Variants in DOP1B observed in about 807,000 individuals in gnomAD.
DOP1B encodes protein DOP1B.
In DOP1B, 174 loss-of-function variants were observed where a neutral mutation model predicts 233.5. The ratio of observed to expected loss-of-function variants is 0.75; its 90% CI spans 0.66 to 0.85. The LOEUF (loss-of-function observed/expected upper bound fraction) is 0.85, where lower values mean the gene tolerates loss of function less well. DOP1B is among the 40% of genes least tolerant of loss of function. The probability of loss-of-function intolerance (pLI) is 0.00; values close to 1 mark genes in which losing one functional copy is unlikely to be tolerated. For synonymous variants in DOP1B, 1,190 were observed against 1,185.6 expected (o/e 1.00, Z -0.08); for missense variants, 2,652 against 2,846.6 (o/e 0.93, Z 1.56).
chr21:36,171,663 C>T (rs1475972778), intron 2 of DOP1B, among the ~76,000 whole-genome samples: 1 of 152,158 alleles, frequency 6.6e-6, no homozygotes, highest in Non-Finnish European at 1.5e-5. Context: ...GGGAGAGGCA[C>T]GGGACAGATT....
chr21:36,235,099 A>G (rs1440375519), intron 15 of DOP1B, among the ~76,000 whole-genome samples: 2 of 152,150 alleles, frequency 1.3e-5, no homozygotes, highest in African/African-American at 4.8e-5. Context: ...GCACACTTTT[A>G]TGTACTGTAC....
Position 36,251,209 on chromosome 21 carries a change from T to A in DOP1B, c.5046T>A (p.His1682Gln). 6.2e-7 allele frequency: 1 copy of A among 1,613,984 alleles called. No individual in the cohort carries two copies. The highest frequency in any genetic ancestry group is 8.5e-7 in the Non-Finnish European group (1 of 1,179,996). ...ILDFLNPLTA[H>Q]LGVQLTAAVA... ...ACTTCTTAAACCCCTTGACGGCCCA[T>A]CTTGGGGTTCAGTTGACAGCGGCTG... is the stretch of plus-strand genomic sequence containing the variant. Residue 1682 changes from histidine to glutamine, a missense_variant, in exon 22 of 37, where the codon CAT (histidine) becomes CAA (glutamine). Physicochemically the swap from His to Gln is conservative, Grantham distance 24. This residue lies in a region of DOP1B where 2,617 missense variants were observed against 2,794.3 expected (regional missense o/e 0.94). Coordinates refer to ENST00000691173, the MANE Select transcript of DOP1B (RefSeq NM_001320714.2).
At chr21:36,211,743 A>T in intron 6 of DOP1B, 92 bp downstream of exon 6, 1 of 1,404,750 alleles carries the variant, frequency 7.1e-7, no homozygotes, top group Non-Finnish European at 1.0e-6. Context: ...AGGACAGCTC[A>T]GCCACTCATG....
At chr21:36,208,652 A>G in intron 4 of DOP1B, 63 bp from the exon 5 acceptor site, 4 of 1,529,758 alleles carry the variant, frequency 2.6e-6, no homozygotes, top group Non-Finnish European at 3.6e-6. Flanking sequence ...TTCGCAGAGC[A>G]GTGTGCAGTG....
chr21:36,192,464 C>T (rs138365546), intron 2 of DOP1B, among the ~76,000 whole-genome samples: 2,984 of 151,250 alleles, frequency 0.02, 72 homozygotes, highest in African/African-American at 0.065. Flanking sequence ...ACTGCAGCCT[C>T]AACCTCCTGG....
At chr21:36,215,500 G>A (rs33999808) in intron 9 of DOP1B, among the ~76,000 whole-genome samples, 121,760 of 151,736 alleles carry the variant, frequency 0.8, 48,857 homozygotes, top group South Asian at 0.86. Context: ...TCCTGGGTTC[G>A]AACAATTAAT....
chr21:36,246,793 C>T lies in DOP1B; in HGVS notation c.4697+116C>T, dbSNP rs564462760. The T allele has an allele frequency of 1.6e-6, 2 of 1,286,868 alleles. No individual in the cohort carries two copies. The highest frequency in any genetic ancestry group is 2.1e-6 in the Non-Finnish European group (2 of 943,370). 79.7% of individuals were successfully genotyped at this position (1,286,868 alleles called of 1,614,324 possible). On this transcript the variant is annotated intron_variant, in intron 19 of 36. Transcript: ENST00000691173. The surrounding 1 kb of genome is among the most constrained non-coding windows in gnomAD (Gnocchi z 5.1). ...AGGATAATTTCATCCCAATGAGAAGCCTGTTTAGCATTATCAAGAGGGGTA... is the reference window on the plus strand; with the variant it reads ...AGGATAATTTCATCCCAATGAGAAGTCTGTTTAGCATTATCAAGAGGGGTA...
At chr21:36,260,642 C>T in intron 23 of DOP1B, 35 bp from the exon 24 acceptor site, 2 of 1,612,132 alleles carry the variant, frequency 1.2e-6, no homozygotes, top group Non-Finnish European at 1.7e-6. Context: ...TATTTCCCAC[C>T]AACTCGGAGT....
chr21:36,229,163 G>A (rs970615472), intron 13 of DOP1B, among the ~76,000 whole-genome samples: 4 of 152,092 alleles, frequency 2.6e-5, no homozygotes, highest in Admixed American at 6.6e-5. Context: ...TCGAATATAA[G>A]CGAGATGAGG....
intron 2 of DOP1B, among the ~76,000 whole-genome samples, chr21:36,177,552 G>C: frequency 6.6e-6 from 1 of 152,140 alleles, no homozygotes. Context: ...ACCCCAATTT[G>C]ACAATATTGG....
intron 2 of DOP1B, among the ~76,000 whole-genome samples, chr21:36,174,180 A>C (rs2835296): frequency 0.47 from 71,900 of 151,852 alleles, 17,250 homozygotes; most frequent in African/African-American, 0.53. Context: ...GGCTGCAAGA[A>C]CTCTTTACCT....
chr21:36,240,392 A>C (rs1569043605), intron 18 of DOP1B, among the ~76,000 whole-genome samples: 1 of 152,176 alleles, frequency 6.6e-6, no homozygotes, highest in African/African-American at 2.4e-5. Flanking sequence ...AGGCAGGAGA[A>C]TCTCTTGAAC....
chr21:36,186,417 G>GGT (rs138335199), intron 2 of DOP1B, among the ~76,000 whole-genome samples: 317 of 151,792 alleles, frequency 2.1e-3, no homozygotes, highest in African/African-American at 7.0e-3. Context: ...ATGTGTAGAG[G>GGT]GTGTGTGTGT....
Position 36,293,492 on chromosome 21 carries a change from C to T in DOP1B, c.6818C>T (p.Pro2273Leu). The stretch of plus-strand genomic sequence containing the variant: ...CCAGGAACTCCATTCTTGGACTTTC[C>T]TGTCACAGATAGCCCAAGGATCTTA... ...DSPGTPFLDF[P>L]VTDSPRILKQ... The change falls in exon 37 of 37, where the codon CCT becomes CTT. Residue 2273 changes from proline (P) to leucine (L), a missense_variant. Coordinates refer to ENST00000691173, the MANE Select transcript of DOP1B (RefSeq NM_001320714.2). 2.5e-6 allele frequency: 4 copies of T among 1,614,104 alleles called. No homozygotes were observed. The highest frequency in any genetic ancestry group is 3.4e-6 in the Non-Finnish European group (4 of 1,179,954).
At chr21:36,247,697 T>C in intron 20 of DOP1B, 69 bp downstream of exon 20, 12 of 1,144,370 alleles carry the variant, frequency 1.0e-5, no homozygotes, top group Non-Finnish European at 1.5e-5. Context: ...CTATGACTGT[T>C]TCAAATAAGT....
At chr21:36,223,207 T>A (rs374259127) in intron 10 of DOP1B, 24 bp from the exon 11 acceptor site, 18 of 1,554,870 alleles carry the variant, frequency 1.2e-5, no homozygotes, top group Admixed American at 2.3e-5. Flanking sequence ...TAGACATATT[T>A]ATTCATGTCC....
At chr21:36,290,133 TTGTA>T (rs1301410592) in intron 35 of DOP1B, among the ~76,000 whole-genome samples, 1 of 152,134 alleles carries the variant, frequency 6.6e-6, no homozygotes, top group East Asian at 1.9e-4. Flanking sequence ...TACGGCAGGC[TTGTA>T]TGTATGTAGG....
intron 18 of DOP1B, among the ~76,000 whole-genome samples, chr21:36,241,821 A>G (rs1460989379): frequency 2.0e-5 from 3 of 150,468 alleles, no homozygotes; most frequent in Non-Finnish European, 4.4e-5. Context: ...GATTACAGGC[A>G]TGAGCCACCA....
chr21:36,260,645 C>G (rs1254959162), intron 23 of DOP1B, 32 bp from the exon 24 acceptor site: 1 of 1,612,916 alleles, frequency 6.2e-7, no homozygotes, highest in Non-Finnish European at 8.5e-7. Context: ...TTCCCACCAA[C>G]TCGGAGTAAT....
Sources: gnomAD v4.1 joint callset for allele counts (sites outside exome capture counted in the v4.1 genomes callset) on GRCh38, gnomAD v4.1.1 for gene constraint, gnomAD v4.1.1 regional missense constraint, Gnocchi (gnomAD v3.1) non-coding constraint, MANE v1.5 for transcripts, NCBI Gene and HGNC (gene_info 2026-07-23, HGNC 2026-07-21) for gene names.